Variants in GPC6 observed in about 807,000 individuals in gnomAD.
GPC6 encodes the protein glypican 6.
In GPC6, 14 loss-of-function variants were observed where a neutral mutation model predicts 55.2. That is an observed-to-expected ratio of 0.25 (90% CI 0.17 to 0.40). The LOEUF (loss-of-function observed/expected upper bound fraction) is 0.40, where lower values mean the gene tolerates loss of function less well. Among genes scored for constraint, GPC6 ranks in the 10% least tolerant of loss-of-function variants. The probability of loss-of-function intolerance (pLI) is 1.00; values close to 1 mark genes in which losing one functional copy is unlikely to be tolerated. For missense variants in GPC6, 641 were observed against 708.5 expected (o/e 0.90, Z 1.08); for synonymous variants, 278 against 259.6 (o/e 1.07, Z -0.68).
chr13:93,856,825 C>T (rs952582014), intron 3 of GPC6, among the ~76,000 whole-genome samples: 2 of 151,578 alleles, frequency 1.3e-5, no homozygotes, highest in East Asian at 3.9e-4. Flanking sequence ...CTTGCTACAT[C>T]ATTAGCTGAC....
chr13:93,517,113 C>T (rs973691630), intron 1 of GPC6, among the ~76,000 whole-genome samples: 3 of 152,088 alleles, frequency 2.0e-5, no homozygotes, highest in African/African-American at 7.2e-5. Flanking sequence ...GTACTATTGT[C>T]ACCAAACGTT....
intron 4 of GPC6, among the ~76,000 whole-genome samples, chr13:94,238,396 C>T (rs990760316): frequency 6.6e-6 from 1 of 152,026 alleles, no homozygotes; most frequent in Non-Finnish European, 1.5e-5. Context: ...TGCTTAGAAG[C>T]TGGAGAAAAA....
chr13:94,283,478 C>A (rs375950627), intron 4 of GPC6, among the ~76,000 whole-genome samples: 1 of 152,186 alleles, frequency 6.6e-6, no homozygotes, highest in African/African-American at 2.4e-5. Flanking sequence ...AAGTAGAGGG[C>A]CTTGGCCCAG....
At chr13:93,991,055 A>AT (rs576677785) in intron 3 of GPC6, among the ~76,000 whole-genome samples, 120 of 151,660 alleles carry the variant, frequency 7.9e-4, no homozygotes, top group Non-Finnish European at 1.6e-3. Context: ...TACTTCATTG[A>AT]TTTTTTTTTC....
chr13:94,013,388 T>G (rs969295181), intron 3 of GPC6, among the ~76,000 whole-genome samples: 1 of 152,220 alleles, frequency 6.6e-6, no homozygotes, highest in African/African-American at 2.4e-5. Context: ...TTCACTCTTG[T>G]TGCCCAGGCT....
chr13:94,209,844 A>C (rs1890021130), intron 4 of GPC6, among the ~76,000 whole-genome samples: 1 of 151,766 alleles, frequency 6.6e-6, no homozygotes, highest in African/African-American at 2.4e-5. Flanking sequence ...TTTATTAATT[A>C]ATTAATTTAT....
chr13:93,332,678 G>A (rs907944756), intron 1 of GPC6, among the ~76,000 whole-genome samples: 1 of 152,020 alleles, frequency 6.6e-6, no homozygotes, highest in Non-Finnish European at 1.5e-5. Context: ...TCATTCTGTT[G>A]ACTGTTTCCT....
intron 1 of GPC6, among the ~76,000 whole-genome samples, chr13:93,498,032 T>C (rs1880374545): frequency 6.6e-6 from 1 of 152,218 alleles, no homozygotes; most frequent in South Asian, 2.1e-4. Context: ...TATGCTTTCT[T>C]GAGTCACTGA....
intron 2 of GPC6, among the ~76,000 whole-genome samples, chr13:93,756,227 GT>G (rs1884764105): frequency 6.6e-6 from 1 of 152,150 alleles, no homozygotes; most frequent in Non-Finnish European, 1.5e-5. Flanking sequence ...GTTATTAATT[GT>G]TTAGGATTAA....
intron 1 of GPC6, among the ~76,000 whole-genome samples, chr13:93,437,551 A>G (rs1378604143): frequency 6.6e-6 from 1 of 152,212 alleles, no homozygotes. Context: ...CAGTCACAAC[A>G]TTTCCTTCAG....
At chr13:93,708,143 C>T (rs1048845217) in intron 2 of GPC6, among the ~76,000 whole-genome samples, 10 of 151,678 alleles carry the variant, frequency 6.6e-5, no homozygotes, top group African/African-American at 2.4e-4. Flanking sequence ...TATTTCATGA[C>T]AAGTCTAATT....
chr13:93,544,911 C>T (rs916952368), intron 1 of GPC6, among the ~76,000 whole-genome samples: 2 of 151,922 alleles, frequency 1.3e-5, no homozygotes, highest in African/African-American at 4.8e-5. Context: ...TGAGGTTTCC[C>T]GAGAAAAGCA....
At chr13:94,315,669 G>A (rs1876485418) in intron 6 of GPC6, among the ~76,000 whole-genome samples, 1 of 152,154 alleles carries the variant, frequency 6.6e-6, no homozygotes, top group African/African-American at 2.4e-5. Flanking sequence ...TATGATGAAG[G>A]CAAGATTTTT....
intron 4 of GPC6, among the ~76,000 whole-genome samples, chr13:94,178,536 A>C (rs1888870873): frequency 6.6e-6 from 1 of 152,204 alleles, no homozygotes; most frequent in African/African-American, 2.4e-5. Context: ...ATTGTGTTTC[A>C]CTCATGGGAC....
rs754748591 is a variant in GPC6, at chr13:93,632,416, G to C, written c.319+86995G>C. On this transcript the variant is annotated intron_variant, in intron 2 of 8. Transcript: ENST00000377047. ...CTTGAGCCCAGGAGTTTGAGATGAGGCTGAGCAACATGGCGAAATTCATCT... is the reference window on the plus strand; with the variant it reads ...CTTGAGCCCAGGAGTTTGAGATGAGCCTGAGCAACATGGCGAAATTCATCT... 4.0e-5 allele frequency among the ~76,000 whole-genome samples: 6 copies of C among 151,816 alleles called. No individual in the cohort carries two copies. In the South Asian group the frequency reaches 6.2e-4, roughly 16 times the overall value.
rs533749729 is a variant in GPC6, at chr13:94,266,559, T to G, written c.878-19790T>G. ...TTCCCCACCCTCCCTCAGTCTTTCT[T>G]CTCTACTTAACTGACTTCTAGCAAT... On this transcript the variant is annotated intron_variant, in intron 4 of 8. Coordinates refer to ENST00000377047, the MANE Select transcript of GPC6 (RefSeq NM_005708.5). Among the ~76,000 whole-genome samples, 21 of 151,798 alleles carry G rather than the reference T, an allele frequency of 1.4e-4. No individual in the cohort carries two copies. In the South Asian group the frequency reaches 4.4e-3, roughly 32 times the overall value.
At position 93,789,503 on chromosome 13, in the gene GPC6, C is replaced by CTATATATA. The variant is rs1202956633; in HGVS notation, c.320-40650_320-40649insATATATAT. ...GTGAACTCTCTCTCTCTCTCTCTCT[C>CTATATATA]TCTCTCTATATATATATATATATAT... is the stretch of plus-strand genomic sequence containing the variant. On this transcript the variant is annotated intron_variant, in intron 2 of 8. Transcript: ENST00000377047. Among the ~76,000 whole-genome samples the CTATATATA allele has an allele frequency of 8.9e-5, 7 of 78,546 alleles. No homozygotes were observed. The East Asian group carries it at 2.0e-3, about 22-fold the overall frequency. 51.5% of individuals were successfully genotyped at this position (78,546 alleles called of 152,430 possible).
chr13:94,105,161 C>T (rs1217455316), intron 4 of GPC6, among the ~76,000 whole-genome samples: 1 of 151,976 alleles, frequency 6.6e-6, no homozygotes, highest in Non-Finnish European at 1.5e-5. Flanking sequence ...TCAAGACCAG[C>T]CTAGGCAACA....
intron 2 of GPC6, among the ~76,000 whole-genome samples, chr13:93,703,584 C>T (rs962178352): frequency 1.3e-5 from 2 of 151,900 alleles, no homozygotes; most frequent in Non-Finnish European, 2.9e-5. Flanking sequence ...TTCTAATGGT[C>T]AAAATACATT....
Sources: allele counts gnomAD v4.1 joint callset (sites outside exome capture counted in the v4.1 genomes callset), GRCh38; gene constraint gnomAD v4.1.1; transcripts MANE v1.5; gene names NCBI Gene and HGNC (gene_info 2026-07-23, HGNC 2026-07-21).